PARN: variants seen among roughly 807,000 people sequenced by gnomAD.
The protein encoded by PARN is poly(A)-specific ribonuclease PARN.
In PARN, 71 loss-of-function variants were observed where a neutral mutation model predicts 102.8. The observed-to-expected ratio is 0.69, with a 90% CI of 0.57 to 0.84. The LOEUF (loss-of-function observed/expected upper bound fraction) is 0.84, where lower values mean the gene tolerates loss of function less well. Among genes scored for constraint, PARN ranks in the 40% least tolerant of loss-of-function variants. The pLI is 0.00. For missense variants in PARN, 782 were observed against 760.9 expected (o/e 1.03, Z -0.33); for synonymous variants, 261 against 252.9 (o/e 1.03, Z -0.30).
intron 5 of PARN, among the ~76,000 whole-genome samples, chr16:14,625,430 G>T (rs557038056): frequency 6.6e-6 from 1 of 152,296 alleles, no homozygotes; most frequent in South Asian, 2.1e-4. Flanking sequence ...CCAGGAGGCA[G>T]AGGTTACAGT....
chr16:14,478,136 T>A (rs1360020990), intron 22 of PARN, among the ~76,000 whole-genome samples: 1 of 151,972 alleles, frequency 6.6e-6, no homozygotes, highest in South Asian at 2.1e-4. Flanking sequence ...AGTAACATAG[T>A]GAGACTCTTG....
intron 22 of PARN, among the ~76,000 whole-genome samples, chr16:14,451,843 T>TAAA (rs1184998225): frequency 2.9e-4 from 16 of 54,594 alleles, no homozygotes; most frequent in African/African-American, 3.3e-4. Flanking sequence ...ACCCCGTCTC[T>TAAA]AAAAAAAAAA....
At chr16:14,542,303 G>C (rs527289837) in intron 21 of PARN, among the ~76,000 whole-genome samples, 4 of 150,520 alleles carry the variant, frequency 2.7e-5, no homozygotes, top group African/African-American at 2.4e-5. Flanking sequence ...AACACACCTG[G>C]GCTTTTTTTT....
chr16:14,465,986 T>C (rs1306468748), intron 22 of PARN, among the ~76,000 whole-genome samples: 1 of 152,146 alleles, frequency 6.6e-6, no homozygotes, highest in East Asian at 1.9e-4. Context: ...TGACAGGCAC[T>C]AGGGCCTACT....
At chr16:14,531,002 T>G (rs1176298236) in intron 21 of PARN, among the ~76,000 whole-genome samples, 3 of 151,946 alleles carry the variant, frequency 2.0e-5, no homozygotes, top group Admixed American at 1.3e-4. Context: ...CATCCATCCA[T>G]CCATCCCCCA....
At chr16:14,512,833 C>G (rs1248402701) in intron 21 of PARN, among the ~76,000 whole-genome samples, 1 of 152,200 alleles carries the variant, frequency 6.6e-6, no homozygotes, top group Non-Finnish European at 1.5e-5. Flanking sequence ...AAGCACTCTT[C>G]TTGCACATTT....
intron 18 of PARN, among the ~76,000 whole-genome samples, chr16:14,573,241 T>C (rs1472290557): frequency 1.3e-5 from 2 of 152,218 alleles, no homozygotes; most frequent in East Asian, 1.9e-4. Flanking sequence ...ACAACATGTT[T>C]TGAAATATGT....
Position 14,482,624 on chromosome 16 carries a change from C to T in PARN, c.1670+14G>A, listed in dbSNP as rs1249903245. The T allele has an allele frequency of 6.4e-7, 1 of 1,570,080 alleles. No homozygotes were observed. Among genetic ancestry groups the T allele is most frequent in the South Asian group, 1.2e-5 (1 of 83,748 alleles). ...GAACTCTGGCCTTTTAAATTAACAG[C>T]TGAGAGCTCTTACCTATTGTTGCGG... is the stretch of plus-strand genomic sequence containing the variant. On this transcript the variant is annotated intron_variant, in intron 22 of 23. Coordinates refer to ENST00000437198, the MANE Select transcript of PARN (RefSeq NM_002582.4).
intron 5 of PARN, among the ~76,000 whole-genome samples, chr16:14,626,462 G>C (rs1477310693): frequency 6.6e-6 from 1 of 152,148 alleles, no homozygotes; most frequent in Non-Finnish European, 1.5e-5. Flanking sequence ...AAGCCTGCAA[G>C]TCTTGATGTG....
intron 5 of PARN, among the ~76,000 whole-genome samples, chr16:14,622,280 T>G (rs1972357303): frequency 6.6e-6 from 1 of 152,222 alleles, no homozygotes. Flanking sequence ...GCATATATCC[T>G]ATGTCTCAAC....
chr16:14,612,243 C>T (rs1180593825), intron 6 of PARN, among the ~76,000 whole-genome samples: 1 of 152,022 alleles, frequency 6.6e-6, no homozygotes, highest in East Asian at 1.9e-4. Flanking sequence ...TGGAGACCAG[C>T]CTGGCCAACA....
At chr16:14,551,334 C>T (rs765558791) in intron 21 of PARN, among the ~76,000 whole-genome samples, 3 of 151,684 alleles carry the variant, frequency 2.0e-5, no homozygotes, top group South Asian at 2.1e-4. Flanking sequence ...TCTGAAAGGC[C>T]GAGGCAGGCA....
intron 22 of PARN, among the ~76,000 whole-genome samples, chr16:14,473,040 G>C (rs1240166855): frequency 6.6e-6 from 1 of 152,092 alleles, no homozygotes; most frequent in Non-Finnish European, 1.5e-5. Context: ...GTGAGAAGAG[G>C]GCAGAAAGAG....
chr16:14,581,839 G>A (rs1027344800), intron 17 of PARN, among the ~76,000 whole-genome samples: 4 of 152,180 alleles, frequency 2.6e-5, no homozygotes, highest in African/African-American at 7.2e-5. Flanking sequence ...GGAGTTCAGC[G>A]TTGCAGTAAG....
At chr16:14,620,671 G>C (rs1972239227) in intron 5 of PARN, among the ~76,000 whole-genome samples, 1 of 152,186 alleles carries the variant, frequency 6.6e-6, no homozygotes, top group African/African-American at 2.4e-5. Flanking sequence ...AGATGTGATT[G>C]AAGATCAGGT....
At chr16:14,561,132 A>C (rs1283336363) in intron 18 of PARN, among the ~76,000 whole-genome samples, 1 of 150,868 alleles carries the variant, frequency 6.6e-6, no homozygotes, top group Non-Finnish European at 1.5e-5. Flanking sequence ...ACTCCAGCCT[A>C]AGTGATAAGA....
intron 2 of PARN, among the ~76,000 whole-genome samples, chr16:14,628,967 A>G (rs918215359): frequency 6.6e-6 from 1 of 152,244 alleles, no homozygotes; most frequent in Admixed American, 6.5e-5. Context: ...GAGGCAGGCA[A>G]TGAACACGTC....
intron 13 of PARN, among the ~76,000 whole-genome samples, chr16:14,588,517 C>T (rs960888793): frequency 1.3e-5 from 2 of 152,118 alleles, no homozygotes; most frequent in African/African-American, 2.4e-5. Context: ...ATTCAGTATT[C>T]GAAACACCTA....
chr16:14,529,198 G>A lies in PARN; in HGVS notation c.1480+22823C>T, dbSNP rs183545846. Among the ~76,000 whole-genome samples, 12 of 152,310 alleles carry A rather than the reference G, an allele frequency of 7.9e-5. No homozygotes were observed. In the East Asian group the frequency reaches 1.9e-3, roughly 24 times the overall value. On this transcript the variant is annotated intron_variant, in intron 21 of 23. Transcript: ENST00000437198. Reference sequence around the variant, plus strand: ...TTCCCCACAACTACAGGAGAGGTACGCTGTCGAATCCGAATGCTAAGTCTG... The same window carrying A: ...TTCCCCACAACTACAGGAGAGGTACACTGTCGAATCCGAATGCTAAGTCTG...
Sources: allele counts gnomAD v4.1 joint callset (sites outside exome capture counted in the v4.1 genomes callset), GRCh38; gene constraint gnomAD v4.1.1; transcripts MANE v1.5; gene names NCBI Gene and HGNC (gene_info 2026-07-23, HGNC 2026-07-21).